Variants in GTF3C4 observed in about 807,000 individuals in gnomAD.
GTF3C4 encodes general transcription factor 3C polypeptide 4.
A neutral mutation model predicts 67.5 loss-of-function variants in GTF3C4; 28 were observed. That is an observed-to-expected ratio of 0.41 (90% CI 0.31 to 0.57). The LOEUF (loss-of-function observed/expected upper bound fraction) is 0.57, where lower values mean the gene tolerates loss of function less well. Ranked by LOEUF, GTF3C4 falls within the 20% of genes least tolerant of loss-of-function variation. GTF3C4 has a pLI of 0.21. For synonymous variants in GTF3C4, 409 were observed against 393.0 expected (o/e 1.04, Z -0.48); for missense variants, 831 against 1,033.2 (o/e 0.80, Z 2.68).
In GTF3C4 at chr9:132,692,368, C is replaced by CTTAACTATAAT. The variant is rs933425261; in HGVS notation, c.*3426_*3436dup. The CTTAACTATAAT allele has an allele frequency of 2.6e-5, 4 of 152,154 alleles. No homozygotes were observed. The highest frequency in any genetic ancestry group is 5.9e-5 in the Non-Finnish European group (4 of 68,016). 9.4% of individuals were successfully genotyped at this position (152,154 alleles called of 1,614,324 possible). A position where few individuals can be genotyped will look rare whatever the true frequency, so the allele number is the denominator to read the frequency against. On this transcript the variant is annotated 3_prime_UTR_variant, in exon 5 of 5. Coordinates refer to ENST00000372146, the MANE Select transcript of GTF3C4 (RefSeq NM_012204.4). ...TAATTGTATCTGGTTTTCTTCAAAA[C>CTTAACTATAAT]TTAACTATAATTTCCTTGTCAGGGT...
chr9:132,682,708 G>C (rs1835964853), intron 2 of GTF3C4, among the ~76,000 whole-genome samples: 1 of 148,834 alleles, frequency 6.7e-6, no homozygotes, highest in African/African-American at 2.5e-5. Flanking sequence ...GGCTCAGGCA[G>C]ATCCTTCTGC....
chr9:132,683,774 A>T (rs1835983611), intron 3 of GTF3C4, 81 bp downstream of exon 3: 2 of 1,309,044 alleles, frequency 1.5e-6, no homozygotes, highest in Non-Finnish European at 1.0e-6. Flanking sequence ...CAGAATAGCA[A>T]CTTTATGCCA....
chr9:132,670,270 T>G (rs911811647), upstream of GTF3C4: 2 of 1,516,182 alleles, frequency 1.3e-6, no homozygotes, highest in Non-Finnish European at 1.8e-6. Flanking sequence ...AGCCTCCCCT[T>G]TACCGCCCCG....
rs567122373 is a variant in GTF3C4 at position 132,679,320 on chromosome 9, C to T, written c.1701C>T (p.Ser567=). 6 of 1,614,140 alleles carry T rather than the reference C, an allele frequency of 3.7e-6. No individual in the cohort carries two copies. The East Asian group carries it at 1.3e-4, about 36-fold the overall frequency. The change falls in exon 2 of 5, where the codon AGC becomes AGT. Residue 567 remains serine, a synonymous_variant. Coordinates refer to ENST00000372146, the MANE Select transcript of GTF3C4 (RefSeq NM_012204.4). The surrounding 1 kb of genome is among the most constrained non-coding windows in gnomAD (Gnocchi z 5.9). The part of the protein sequence containing the change: ...LQEALEKKIE[S]SGVTYFWRFK... ...AAGCTTTGGAAAAAAAGATTGAAAGCAGTGGAGTCACCTATTTTTGGCGTT... is the reference window on the plus strand; with the variant it reads ...AAGCTTTGGAAAAAAAGATTGAAAGTAGTGGAGTCACCTATTTTTGGCGTT...
chr9:132,670,518 G>C lies in GTF3C4; in HGVS notation c.-81G>C. The C allele has an allele frequency of 8.7e-7, 1 of 1,148,904 alleles. No individual in the cohort carries two copies. The highest frequency in any genetic ancestry group is 1.9e-5 in the South Asian group (1 of 52,780). The allele number at this position is 1,148,904 out of a possible 1,614,324, so 71.2% of individuals were successfully genotyped here. A position where few individuals can be genotyped will look rare whatever the true frequency, so the allele number is the denominator to read the frequency against. On this transcript the variant is annotated 5_prime_UTR_variant, in exon 1 of 5. Coordinates refer to ENST00000372146, the MANE Select transcript of GTF3C4 (RefSeq NM_012204.4). ...GGAGAAAACCGCCGCGGAGGGCGCT[G>C]GGGGTGGCGGCGGCGGTCCGGGAGG... is the stretch of plus-strand genomic sequence containing the variant.
At position 132,678,723 on chromosome 9, in the gene GTF3C4, G is replaced by A. The variant is rs747387970; in HGVS notation, c.1104G>A (p.Gln368=). The A allele has an allele frequency of 6.2e-7, 1 of 1,614,158 alleles. No individual in the cohort carries two copies. The highest frequency in any genetic ancestry group is 1.1e-5 in the South Asian group (1 of 91,084). Residue 368 remains glutamine (Q), a synonymous_variant, in exon 2 of 5, where the codon CAG becomes CAA. Coordinates refer to ENST00000372146, the MANE Select transcript of GTF3C4 (RefSeq NM_012204.4). This position sits in a 1 kb window ranked among gnomAD's most constrained non-coding sequence, Gnocchi z 6.5. ...QPVILWKEMD[Q]LPVHSIKCVP... ...TTATCTTGTGGAAAGAAATGGACCA[G>A]TTACCTGTGCACAGTATCAAATGTG...
chr9:132,685,402 C>T lies in GTF3C4; in HGVS notation c.2315+1709C>T, dbSNP rs138135661. Among the ~76,000 whole-genome samples, 567 of 152,280 alleles carry T rather than the reference C, an allele frequency of 3.7e-3. 2 individuals carry two copies. The highest frequency in any genetic ancestry group is 0.011 in the African/African-American group (453 of 41,564). ...AAAATGTATGTACATTTTTCTACAT[C>T]ACTACAAAGATAACATTCTTAATGG... On this transcript the variant is annotated intron_variant, in intron 3 of 4. Transcript: ENST00000372146.
chr9:132,682,298 G>A (rs372686817), intron 2 of GTF3C4, among the ~76,000 whole-genome samples: 1 of 152,110 alleles, frequency 6.6e-6, no homozygotes, highest in Non-Finnish European at 1.5e-5. Flanking sequence ...TAAATTTGTA[G>A]AGGATATACA....
In GTF3C4 at chr9:132,678,477, C is replaced by T. The variant is rs138061449; in HGVS notation, c.858C>T (p.Ala286=). 1.5e-5 allele frequency: 24 copies of T among 1,614,168 alleles called. No individual in the cohort carries two copies. Among genetic ancestry groups the T allele is most frequent in the East Asian group, 6.7e-5 (3 of 44,884 alleles). ...LAVLFENGNI[A]VWQFQLPFVG... ...TCCTCTTTGAAAACGGTAATATCGC[C>T]GTGTGGCAGTTTCAGCTGCCGTTTG... The change falls in exon 2 of 5, where the codon GCC becomes GCT. Residue 286 remains alanine (A), a synonymous_variant. Coordinates refer to ENST00000372146, the MANE Select transcript of GTF3C4 (RefSeq NM_012204.4). This position sits in a 1 kb window ranked among gnomAD's most constrained non-coding sequence, Gnocchi z 6.5.
chr9:132,678,649 C>T lies in GTF3C4; in HGVS notation c.1030C>T (p.Pro344Ser). ...TGCTTTTGGACCCATAAAAATTCTT[C>T]CTGTCAATCTCAAAGCAGTCAAAGG... ...GSAFGPIKIL[P>S]VNLKAVKGYF... Residue 344 changes from proline (P) to serine (S), a missense_variant, in exon 2 of 5, where the codon CCT becomes TCT. Pro to Ser is a moderately conservative substitution (Grantham distance 74). Around this residue, in one of 4 missense-constraint regions of GTF3C4, gnomAD observed 390 missense variants for 540.3 expected, o/e 0.72. Coordinates refer to ENST00000372146, the MANE Select transcript of GTF3C4 (RefSeq NM_012204.4). The surrounding 1 kb of genome is among the most constrained non-coding windows in gnomAD (Gnocchi z 6.5). 2 of 1,614,048 alleles carry T rather than the reference C, an allele frequency of 1.2e-6. No individual in the cohort carries two copies. The highest frequency in any genetic ancestry group is 1.7e-6 in the Non-Finnish European group (2 of 1,179,944).
In GTF3C4 at chr9:132,692,275, A is replaced by G. The variant is rs945509734; in HGVS notation, c.*3330A>G. 1 of 152,230 alleles carries G rather than the reference A, an allele frequency of 6.6e-6. No individual in the cohort carries two copies. The highest frequency in any genetic ancestry group is 6.5e-5 in the Admixed American group (1 of 15,286). The allele number at this position is 152,230 out of a possible 1,614,324, so 9.4% of individuals were successfully genotyped here. A position where few individuals can be genotyped will look rare whatever the true frequency, so the allele number is the denominator to read the frequency against. Reference sequence around the variant, plus strand: ...TAATGGTAAAATTTCTAAAAGCTAAATTGTACAGTGGGGTCTCACTTCCTA... The same window carrying G: ...TAATGGTAAAATTTCTAAAAGCTAAGTTGTACAGTGGGGTCTCACTTCCTA... On this transcript the variant is annotated 3_prime_UTR_variant, in exon 5 of 5. Transcript: ENST00000372146.
Position 132,677,961 on chromosome 9 carries a change from T to C in GTF3C4, c.358-16T>C, listed in dbSNP as rs1835886319. On this transcript the variant is annotated splice_polypyrimidine_tract_variant and intron_variant, in intron 1 of 4. Transcript: ENST00000372146. ...GTAAATGCTCATCTGATAGTTTTTATATCTCTTATTTTCAGGTTGGCTCAA... is the reference window on the plus strand; with the variant it reads ...GTAAATGCTCATCTGATAGTTTTTACATCTCTTATTTTCAGGTTGGCTCAA... The C allele has an allele frequency of 6.4e-7, 1 of 1,568,304 alleles. No individual in the cohort carries two copies. Among genetic ancestry groups the C allele is most frequent in the African/African-American group, 1.4e-5 (1 of 72,984 alleles).
Position 132,679,388 on chromosome 9 carries a change from A to T in GTF3C4, c.1769A>T (p.Lys590Ile). The change falls in exon 2 of 5, where the codon AAA (lysine) becomes ATA (isoleucine). Residue 590 changes from lysine (K) to isoleucine (I), a missense_variant. Lys to Ile is a moderately radical substitution (Grantham distance 102). Around this residue, in one of 4 missense-constraint regions of GTF3C4, gnomAD observed 390 missense variants for 540.3 expected, o/e 0.72. Coordinates refer to ENST00000372146, the MANE Select transcript of GTF3C4 (RefSeq NM_012204.4). This position sits in a 1 kb window ranked among gnomAD's most constrained non-coding sequence, Gnocchi z 5.9. ...AGGATTTTATATCAGTCAATGCAGA[A>T]AACCCCTTCAGAAGCCTTGTGGAAA... is the stretch of plus-strand genomic sequence containing the variant. Reference protein sequence around the residue: ...LLRILYQSMQKTPSEALWKPT... With the variant: ...LLRILYQSMQITPSEALWKPT... 1 of 1,614,198 alleles carries T rather than the reference A, an allele frequency of 6.2e-7. No individual in the cohort carries two copies. The highest frequency in any genetic ancestry group is 8.5e-7 in the Non-Finnish European group (1 of 1,180,038).
At chr9:132,687,053 A>G (rs1836040693) in intron 3 of GTF3C4, among the ~76,000 whole-genome samples, 186 bp from the exon 4 acceptor site, 1 of 152,188 alleles carries the variant, frequency 6.6e-6, no homozygotes, top group Non-Finnish European at 1.5e-5. Flanking sequence ...TTTGCTAAGC[A>G]TGGAGTATTG....
chr9:132,679,142 A>G lies in GTF3C4; in HGVS notation c.1523A>G (p.Tyr508Cys). 2 of 1,614,176 alleles carry G rather than the reference A, an allele frequency of 1.2e-6. No homozygotes were observed. Among genetic ancestry groups the G allele is most frequent in the Non-Finnish European group, 1.7e-6 (2 of 1,180,030 alleles). Residue 508 changes from tyrosine (Y) to cysteine (C), a missense_variant, in exon 2 of 5, where the codon TAC becomes TGC. Tyr to Cys is a radical substitution (Grantham distance 194, BLOSUM62 -2). Transcript: ENST00000372146. The surrounding 1 kb of genome is among the most constrained non-coding windows in gnomAD (Gnocchi z 5.9). Reference protein sequence around the residue: ...INGLHPVNKNYQVQFVTLKTF... With the variant: ...INGLHPVNKNCQVQFVTLKTF... The stretch of plus-strand genomic sequence containing the variant: ...GGCCTCCACCCTGTTAACAAAAACT[A>G]CCAGGTCCAATTTGTTACTCTCAAA...
rs1342107757 is a variant in GTF3C4, at chr9:132,670,785, G to A, written c.187G>A (p.Ala63Thr). ...GGAGCCGGCCGTGAAGCTGCAGTAT[G>A]CGGTGAGCGGCCTGGAACCGCTGGC... ...RREPAVKLQY[A>T]VSGLEPLAWS... Residue 63 changes from alanine (A) to threonine (T), a missense_variant, in exon 1 of 5, where the codon GCG becomes ACG. Physicochemically the swap from Ala to Thr is moderately conservative, Grantham distance 58. This residue lies in a region of GTF3C4 where 237 missense variants were observed against 212.7 expected (regional missense o/e 1.11). Coordinates refer to ENST00000372146, the MANE Select transcript of GTF3C4 (RefSeq NM_012204.4). 4 of 1,590,788 alleles carry A rather than the reference G, an allele frequency of 2.5e-6. No individual in the cohort carries two copies. Among genetic ancestry groups the A allele is most frequent in the Admixed American group, 1.7e-5 (1 of 58,288 alleles).
upstream of GTF3C4, chr9:132,670,299 T>G: frequency 6.7e-7 from 1 of 1,503,422 alleles, no homozygotes; most frequent in Non-Finnish European, 8.9e-7. Flanking sequence ...CTCAGCACTT[T>G]AGGAACTAAA....
intron 4 of GTF3C4, 68 bp from the exon 5 acceptor site, chr9:132,688,813 C>A: frequency 8.9e-7 from 1 of 1,122,832 alleles, no homozygotes; most frequent in Non-Finnish European, 1.4e-6. Context: ...CGCTACAGTC[C>A]GGTATTCATC....
chr9:132,670,192 G>T (rs1347291564), upstream of GTF3C4: 3 of 1,582,622 alleles, frequency 1.9e-6, no homozygotes, highest in Admixed American at 1.7e-5. Context: ...ACATTCGGCC[G>T]AGAGTTCACG....
Sources: allele counts gnomAD v4.1 joint callset (sites outside exome capture counted in the v4.1 genomes callset), GRCh38; gene constraint gnomAD v4.1.1; regional missense constraint gnomAD v4.1.1; non-coding constraint Gnocchi (gnomAD v3.1); transcripts MANE v1.5; gene names NCBI Gene and HGNC (gene_info 2026-07-23, HGNC 2026-07-21).